Variants in DSE observed in about 807,000 individuals in gnomAD.
DSE encodes dermatan-sulfate epimerase.
Under a neutral mutation model 84.4 loss-of-function variants are expected in DSE, and 36 were observed. That is an observed-to-expected ratio of 0.43 (90% CI 0.33 to 0.56). DSE has a LOEUF of 0.56. Among genes scored for constraint, DSE ranks in the 20% least tolerant of loss-of-function variants. The pLI, the probability that DSE is intolerant of heterozygous loss-of-function variation, is 0.06. For missense variants in DSE, 862 were observed against 1,169.6 expected (o/e 0.74, Z 3.84); for synonymous variants, 410 against 430.1 (o/e 0.95, Z 0.58).
intron 3 of DSE, among the ~76,000 whole-genome samples, chr6:116,427,557 G>A (rs505791): frequency 0.71 from 108,187 of 152,120 alleles, 39,005 homozygotes; most frequent in African/African-American, 0.78. Context: ...TGATTATCCA[G>A]CATCGGATTT....
chr6:116,371,331 G>A (rs552541469), intron 1 of DSE, among the ~76,000 whole-genome samples: 1 of 152,210 alleles, frequency 6.6e-6, no homozygotes, highest in Non-Finnish European at 1.5e-5. Flanking sequence ...CCTGAGCCAC[G>A]GGCTTCCCCG....
chr6:116,305,468 A>C (rs943389623), intron 2 of DSE, among the ~76,000 whole-genome samples: 3 of 152,254 alleles, frequency 2.0e-5, no homozygotes, highest in Non-Finnish European at 4.4e-5. Context: ...GAAGCAAGAA[A>C]GTGAAATGCA....
chr6:116,347,677 A>G (rs1318683884), intron 2 of DSE, among the ~76,000 whole-genome samples: 1 of 152,226 alleles, frequency 6.6e-6, no homozygotes, highest in Non-Finnish European at 1.5e-5. Flanking sequence ...GTTAGACCTA[A>G]AACCATAAAA....
At position 116,437,546 on chromosome 6, in the gene DSE, G is replaced by C. The variant is rs544368796; in HGVS notation, c.*201G>C. The C allele has an allele frequency of 3.6e-6, 2 of 550,404 alleles. No individual in the cohort carries two copies. The highest frequency in any genetic ancestry group is 3.2e-5 in the East Asian group (1 of 31,436). 34.1% of individuals were successfully genotyped at this position (550,404 alleles called of 1,614,324 possible). A position where few individuals can be genotyped will look rare whatever the true frequency, so the allele number is the denominator to read the frequency against. On this transcript the variant is annotated 3_prime_UTR_variant, in exon 6 of 6. Transcript: ENST00000644252. ...ATTATCAAAGCAATAGAAATAGCTT[G>C]GTGGTCCTATGGTGTTTTTGGAAGT... is the stretch of plus-strand genomic sequence containing the variant.
chr6:116,325,795 TAAAG>T (rs1410622394), intron 2 of DSE, among the ~76,000 whole-genome samples: 1 of 152,136 alleles, frequency 6.6e-6, no homozygotes, highest in Non-Finnish European at 1.5e-5. Context: ...GACACCAAGT[TAAAG>T]AAGGAAGGGG....
intron 2 of DSE, chr6:116,279,358 C>A (rs1414237406): frequency 2.5e-6 from 4 of 1,611,784 alleles, no homozygotes; most frequent in East Asian, 2.2e-5. Flanking sequence ...GGCGCACTTT[C>A]CTGTCTTCAC....
chr6:116,328,066 G>T (rs1776730099), intron 2 of DSE, among the ~76,000 whole-genome samples: 1 of 152,100 alleles, frequency 6.6e-6, no homozygotes. Flanking sequence ...CAGCAGGAGG[G>T]AACATTAGCC....
chr6:116,389,725 C>T (rs1245924493), intron 1 of DSE, among the ~76,000 whole-genome samples: 2 of 152,056 alleles, frequency 1.3e-5, no homozygotes, highest in Admixed American at 6.5e-5. Context: ...ATTTTTTAGT[C>T]AGTAATGCTA....
At chr6:116,385,947 A>G (rs1468457810) in intron 1 of DSE, among the ~76,000 whole-genome samples, 1 of 152,228 alleles carries the variant, frequency 6.6e-6, no homozygotes, top group Non-Finnish European at 1.5e-5. Context: ...ATATATACTC[A>G]TCCAATATAT....
intron 2 of DSE, 141 bp downstream of exon 2, chr6:116,399,807 C>A: frequency 3.8e-6 from 3 of 798,462 alleles, no homozygotes; most frequent in East Asian, 2.7e-5. Flanking sequence ...ATTTGTGTTG[C>A]CAGTCTTATG....
intron 1 of DSE, among the ~76,000 whole-genome samples, chr6:116,378,485 T>A (rs1245122470): frequency 6.6e-6 from 1 of 152,204 alleles, no homozygotes; most frequent in Non-Finnish European, 1.5e-5. Context: ...ATTTATTGAC[T>A]GGTTAAATAT....
At chr6:116,298,958 A>G (rs1236785797) in intron 2 of DSE, among the ~76,000 whole-genome samples, 2 of 152,184 alleles carry the variant, frequency 1.3e-5, no homozygotes, top group Admixed American at 6.5e-5. Flanking sequence ...TTGAACCCGT[A>G]GGCATTGTGT....
chr6:116,367,737 G>T (rs918156916), upstream of DSE, among the ~76,000 whole-genome samples: 16 of 152,160 alleles, frequency 1.1e-4, no homozygotes, highest in African/African-American at 3.9e-4. Context: ...AAAGATAGGT[G>T]AAGAAGCTTG....
chr6:116,434,275 T>A (rs1220138646), intron 5 of DSE, among the ~76,000 whole-genome samples: 1 of 152,178 alleles, frequency 6.6e-6, no homozygotes. Context: ...TAATCATTAA[T>A]CCCTGATGTC....
At chr6:116,294,707 G>A (rs1445917715) in intron 2 of DSE, among the ~76,000 whole-genome samples, 1 of 152,162 alleles carries the variant, frequency 6.6e-6, no homozygotes, top group Admixed American at 6.5e-5. Flanking sequence ...CAGTGGTTTA[G>A]CATATCAGAA....
intron 2 of DSE, among the ~76,000 whole-genome samples, chr6:116,309,347 C>A (rs967092668): frequency 7.2e-5 from 11 of 152,158 alleles, no homozygotes; most frequent in African/African-American, 2.6e-4. Flanking sequence ...TACATACACA[C>A]CACTCTAAAA....
At chr6:116,406,354 C>G (rs957887803) in intron 2 of DSE, among the ~76,000 whole-genome samples, 1 of 152,160 alleles carries the variant, frequency 6.6e-6, no homozygotes, top group African/African-American at 2.4e-5. Flanking sequence ...TTCATGTAGT[C>G]TTTACAATCT....
At chr6:116,352,779 T>C (rs1778375796) in intron 2 of DSE, among the ~76,000 whole-genome samples, 1 of 152,172 alleles carries the variant, frequency 6.6e-6, no homozygotes, top group Non-Finnish European at 1.5e-5. Context: ...AACACAGCCT[T>C]AGGGCAAGTC....
chr6:116,350,814 TA>T (rs938477036), intron 2 of DSE, among the ~76,000 whole-genome samples: 4 of 150,128 alleles, frequency 2.7e-5, no homozygotes, highest in Non-Finnish European at 5.9e-5. Context: ...CTCCAAGTAA[TA>T]AAAAAAAATA....
Sources: allele counts gnomAD v4.1 joint callset (sites outside exome capture counted in the v4.1 genomes callset), GRCh38; gene constraint gnomAD v4.1.1; transcripts MANE v1.5; gene names NCBI Gene and HGNC (gene_info 2026-07-23, HGNC 2026-07-21).